Variants in FBXL17 observed in about 807,000 individuals in gnomAD.
FBXL17 encodes the protein F-box/LRR-repeat protein 17.
In FBXL17, 22 loss-of-function variants were observed where a neutral mutation model predicts 66.2. The ratio of observed to expected loss-of-function variants is 0.33; its 90% CI spans 0.24 to 0.47. The LOEUF is 0.47. FBXL17 is among the 20% of genes least tolerant of loss of function. The pLI is 1.00. For synonymous variants in FBXL17, 474 were observed against 400.5 expected (o/e 1.18, Z -2.19); for missense variants, 878 against 948.2 (o/e 0.93, Z 0.97).
At chr5:108,367,517 A>G (rs1410049678) in intron 2 of FBXL17, among the ~76,000 whole-genome samples, 3 of 152,128 alleles carry the variant, frequency 2.0e-5, no homozygotes, top group Non-Finnish European at 4.4e-5. Context: ...ATCATTTTCT[A>G]CTATTAAACT....
In FBXL17 at chr5:108,381,440, C is replaced by T; in HGVS notation, c.252G>A (p.Pro84=). 7.6e-7 allele frequency: 1 copy of T among 1,315,074 alleles called. No individual in the cohort carries two copies. Among genetic ancestry groups the T allele is most frequent in the Non-Finnish European group, 9.6e-7 (1 of 1,039,738 alleles). The allele number at this position is 1,315,074 out of a possible 1,614,324, so 81.5% of individuals were successfully genotyped here. A position where few individuals can be genotyped will look rare whatever the true frequency, so the allele number is the denominator to read the frequency against. ...AGPEEEPPLS[P]PPRDGAYAAA... ...CAGCGTAGGCCCCGTCCCGCGGCGGCGGCGAGAGCGGCGGCTCCTCCTCTG... is the reference window on the plus strand; with the variant it reads ...CAGCGTAGGCCCCGTCCCGCGGCGGTGGCGAGAGCGGCGGCTCCTCCTCTG... Residue 84 remains proline (P), a synonymous_variant, in exon 1 of 9, where the codon CCG becomes CCA. Coordinates refer to ENST00000542267, the MANE Select transcript of FBXL17 (RefSeq NM_001163315.3).
chr5:108,154,590 C>CAAA lies in FBXL17; in HGVS notation c.1745+31524_1745+31526dup, dbSNP rs1162622917. On this transcript the variant is annotated intron_variant, in intron 6 of 8. Coordinates refer to ENST00000542267, the MANE Select transcript of FBXL17 (RefSeq NM_001163315.3). ...GGGCAACAAGAATGAAACTCAGTTT[C>CAAA]AAAAAAAAAAAAAAAAATATATATA... Among the ~76,000 whole-genome samples, 302 of 39,900 alleles carry CAAA rather than the reference C, an allele frequency of 7.6e-3. 3 individuals carry two copies. Among genetic ancestry groups the CAAA allele is most frequent in the African/African-American group, 0.024 (245 of 10,010 alleles). 26.2% of individuals were successfully genotyped at this position (39,900 alleles called of 152,430 possible).
intron 4 of FBXL17, among the ~76,000 whole-genome samples, chr5:108,265,238 C>T (rs1284767479): frequency 6.6e-6 from 1 of 152,034 alleles, no homozygotes; most frequent in Non-Finnish European, 1.5e-5. Flanking sequence ...AGTCATTCTA[C>T]CTAATCGGAT....
intron 7 of FBXL17, among the ~76,000 whole-genome samples, chr5:107,888,926 A>G (rs533002567): frequency 2.0e-4 from 31 of 152,298 alleles, no homozygotes; most frequent in African/African-American, 7.2e-4. Context: ...GTGTTTTCCC[A>G]AAGTGGTTGT....
chr5:108,341,087 C>A (rs1406054955), intron 4 of FBXL17, among the ~76,000 whole-genome samples: 1 of 152,046 alleles, frequency 6.6e-6, no homozygotes, highest in Non-Finnish European at 1.5e-5. Context: ...GATAGTAAAA[C>A]AGTAGAAGCA....
intron 8 of FBXL17, among the ~76,000 whole-genome samples, chr5:107,875,131 C>A (rs1047089409): frequency 8.1e-6 from 1 of 122,702 alleles, no homozygotes; most frequent in Non-Finnish European, 1.7e-5. Flanking sequence ...ACTTTATTTT[C>A]TTTGATATGG....
At chr5:108,244,649 A>G (rs1444552164) in intron 4 of FBXL17, among the ~76,000 whole-genome samples, 1 of 152,174 alleles carries the variant, frequency 6.6e-6, no homozygotes, top group African/African-American at 2.4e-5. Flanking sequence ...AATAGAAATC[A>G]CTTAATGAAA....
At chr5:108,354,008 C>A (rs1431407340) in intron 3 of FBXL17, among the ~76,000 whole-genome samples, 1 of 152,064 alleles carries the variant, frequency 6.6e-6, no homozygotes, top group Non-Finnish European at 1.5e-5. Context: ...TTACATTTAT[C>A]AGTTGAGCAT....
At chr5:107,880,249 G>C (rs1748742652) in intron 8 of FBXL17, 1 of 478,880 alleles carries the variant, frequency 2.1e-6, no homozygotes, top group Non-Finnish European at 2.7e-6. Context: ...TTTTTGTTGG[G>C]GGAGAGGGGG....
At position 108,380,994 on chromosome 5, in the gene FBXL17, G is replaced by C; in HGVS notation, c.698C>G (p.Ala233Gly). Residue 233 changes from alanine to glycine, a missense_variant, in exon 1 of 9, where the codon GCG becomes GGG. Ala to Gly is a moderately conservative substitution (Grantham distance 60, BLOSUM62 0). Around this residue, in one of 4 missense-constraint regions of FBXL17, gnomAD observed 605 missense variants for 509.5 expected, o/e 1.19. Coordinates refer to ENST00000542267, the MANE Select transcript of FBXL17 (RefSeq NM_001163315.3). ...GGGGGGGGGP[A>G]GGGASPPRPP... is the part of the protein sequence containing the mutation. Reference sequence around the variant, plus strand: ...CCGGGGCGGCGAAGCGCCTCCCCCCGCAGGCCCTCCCCCGCCACCGCCGCC... The same window carrying C: ...CCGGGGCGGCGAAGCGCCTCCCCCCCCAGGCCCTCCCCCGCCACCGCCGCC... 8.3e-7 allele frequency: 1 copy of C among 1,205,624 alleles called. No individual in the cohort carries two copies. The highest frequency in any genetic ancestry group is 1.0e-6 in the Non-Finnish European group (1 of 970,956). 74.7% of individuals were successfully genotyped at this position (1,205,624 alleles called of 1,614,324 possible). A position where few individuals can be genotyped will look rare whatever the true frequency, so the allele number is the denominator to read the frequency against.
rs1327826713 is a variant in FBXL17 at position 107,860,582 on chromosome 5, A to T, written c.*1138T>A. 1 of 152,638 alleles carries T rather than the reference A, an allele frequency of 6.6e-6. No individual in the cohort carries two copies. Among genetic ancestry groups the T allele is most frequent in the Non-Finnish European group, 1.5e-5 (1 of 68,016 alleles). The allele number at this position is 152,638 out of a possible 1,614,324, so 9.5% of individuals were successfully genotyped here. A position where few individuals can be genotyped will look rare whatever the true frequency, so the allele number is the denominator to read the frequency against. ...CAGAATTTCAATGAACAGATTTTCT[A>T]ATTTTCTTTCTTAACTCATATATTA... On this transcript the variant is annotated 3_prime_UTR_variant, in exon 9 of 9. Coordinates refer to ENST00000542267, the MANE Select transcript of FBXL17 (RefSeq NM_001163315.3).
intron 6 of FBXL17, among the ~76,000 whole-genome samples, chr5:108,094,898 CCTT>C (rs1749314879): frequency 6.6e-6 from 1 of 151,412 alleles, no homozygotes; most frequent in South Asian, 2.1e-4. Context: ...AAATGAGTGA[CCTT>C]CTATGAAAAA....
chr5:108,068,384 TC>T (rs1458628524), intron 6 of FBXL17, among the ~76,000 whole-genome samples: 1 of 145,588 alleles, frequency 6.9e-6, no homozygotes, highest in Admixed American at 7.0e-5. Flanking sequence ...TTAAAACTAG[TC>T]CCCCAAAAAG....
rs544084539 is a variant in FBXL17, at chr5:107,958,757, C to G, written c.1822+62168G>C. Among the ~76,000 whole-genome samples the G allele has an allele frequency of 1.3e-5, 2 of 152,276 alleles. 1 individual carries two copies. The highest frequency in any genetic ancestry group is 2.9e-5 in the Non-Finnish European group (2 of 68,026). ...TGGCTGCCAGCTAATACCTGTGACC[C>G]ATTTTTCATGTATTAGGCAGACCTG... On this transcript the variant is annotated intron_variant, in intron 7 of 8. Transcript: ENST00000542267.
intron 4 of FBXL17, among the ~76,000 whole-genome samples, chr5:108,346,244 ATAAACT>A (rs1279493515): frequency 2.0e-5 from 3 of 152,114 alleles, no homozygotes; most frequent in Non-Finnish European, 4.4e-5. Context: ...TCCTTTTGTA[ATAAACT>A]TAAATGGGAA....
At chr5:108,064,098 A>G (rs1748026997) in intron 6 of FBXL17, among the ~76,000 whole-genome samples, 1 of 152,144 alleles carries the variant, frequency 6.6e-6, no homozygotes, top group Non-Finnish European at 1.5e-5. Context: ...TTATGAATAT[A>G]ACTTTCACTC....
intron 6 of FBXL17, among the ~76,000 whole-genome samples, chr5:108,088,152 T>C (rs17383035): frequency 0.12 from 18,288 of 152,206 alleles, 1,362 homozygotes; most frequent in East Asian, 0.17. Flanking sequence ...TGGAGATCAA[T>C]TGAACAATGA....
intron 7 of FBXL17, among the ~76,000 whole-genome samples, chr5:107,935,213 A>G (rs1387393895): frequency 6.6e-6 from 1 of 152,128 alleles, no homozygotes; most frequent in Non-Finnish European, 1.5e-5. Flanking sequence ...GCCTTCAAGA[A>G]TCAAGGACTC....
At chr5:108,299,076 T>C (rs958784443) in intron 4 of FBXL17, 14 of 975,498 alleles carry the variant, frequency 1.4e-5, no homozygotes, top group Middle Eastern at 1.1e-3. Flanking sequence ...GCCCCAAATG[T>C]TTACTGCTAT....
Sources: allele counts gnomAD v4.1 joint callset (sites outside exome capture counted in the v4.1 genomes callset), GRCh38; gene constraint gnomAD v4.1.1; regional missense constraint gnomAD v4.1.1; transcripts MANE v1.5; gene names NCBI Gene and HGNC (gene_info 2026-07-23, HGNC 2026-07-21).